PRUNE2: variants seen among roughly 807,000 people sequenced by gnomAD.
The protein encoded by PRUNE2 is prune homolog 2 with BCH domain, also known as protein prune homolog 2.
Under a neutral mutation model 252.0 loss-of-function variants are expected in PRUNE2, and 164 were observed. That is an observed-to-expected ratio of 0.65 (90% CI 0.57 to 0.74). The LOEUF is 0.74. Among genes scored for constraint, PRUNE2 ranks in the 30% least tolerant of loss-of-function variants. PRUNE2 has a pLI of 0.00. For synonymous variants in PRUNE2, 1,292 were observed against 1,350.2 expected (o/e 0.96, Z 0.94); for missense variants, 3,495 against 3,711.0 (o/e 0.94, Z 1.51).
intron 6 of PRUNE2, among the ~76,000 whole-genome samples, chr9:76,797,041 A>G (rs199795530): frequency 7.3e-6 from 1 of 136,920 alleles, no homozygotes; most frequent in African/African-American, 3.2e-5. Flanking sequence ...TCACACATAC[A>G]CACACACACA....
Position 76,644,825 on chromosome 9 carries a change from A to C in PRUNE2, c.8642T>G (p.Leu2881Arg). The change falls in exon 12 of 19, where the codon CTT (leucine) becomes CGT (arginine). Residue 2881 changes from leucine (L) to arginine (R), a missense_variant. Leu to Arg is a moderately radical substitution (Grantham distance 102). Coordinates refer to ENST00000376718, the MANE Select transcript of PRUNE2 (RefSeq NM_015225.3). ...TAEEEREDNR[L>R]WRTVVIGEQE... ...TTCTCCAATGACCACTGTCCTCCAAAGCCGGTTGTCCTCCCGTTCCTCTTC... is the reference window on the plus strand; with the variant it reads ...TTCTCCAATGACCACTGTCCTCCAACGCCGGTTGTCCTCCCGTTCCTCTTC... 6.2e-7 allele frequency: 1 copy of C among 1,613,868 alleles called. No individual in the cohort carries two copies. Among genetic ancestry groups the C allele is most frequent in the Non-Finnish European group, 8.5e-7 (1 of 1,179,846 alleles).
intron 6 of PRUNE2, among the ~76,000 whole-genome samples, chr9:76,729,339 C>A (rs779879148): frequency 1.3e-5 from 2 of 152,148 alleles, no homozygotes; most frequent in Middle Eastern, 3.2e-3. Context: ...TTAGTTCTAG[C>A]GAGCTCTCAG....
In PRUNE2 at chr9:76,703,754, G is replaced by C. The variant is rs142038632; in HGVS notation, c.7859C>G (p.Thr2620Arg). The C allele has an allele frequency of 9.3e-6, 15 of 1,613,648 alleles. No individual in the cohort carries two copies. The South Asian group carries it at 1.4e-4, about 15-fold the overall frequency. ...TGCAGGGCTTTCAAAAGATGATCTC[G>C]TATCGCTTTTAGAAGACATTTTCTC... is the stretch of plus-strand genomic sequence containing the variant. ...SAEKMSSKSDTRSSFESPAQD... is the reference protein window; with the variant it reads ...SAEKMSSKSDRRSSFESPAQD... Residue 2620 changes from threonine (T) to arginine (R), a missense_variant, in exon 9 of 19, where the codon ACG becomes AGG. By Grantham distance (71) the Thr-to-Arg change is moderately conservative. Coordinates refer to ENST00000376718, the MANE Select transcript of PRUNE2 (RefSeq NM_015225.3).
At chr9:76,637,360 T>C in intron 14 of PRUNE2, 58 bp downstream of exon 14, 1 of 1,535,046 alleles carries the variant, frequency 6.5e-7, no homozygotes, top group Non-Finnish European at 9.0e-7. Context: ...ACCATGTGGT[T>C]GTTTAGTCTT....
Position 76,850,721 on chromosome 9 carries a change from T to C in PRUNE2, c.142-56A>G, listed in dbSNP as rs112139540. ...AAAATAGCAGGAGGAAAGAATACAA[T>C]TACATTTTCTCCAGCCTGGGGGTAA... is the stretch of plus-strand genomic sequence containing the variant. On this transcript the variant is annotated intron_variant, in intron 2 of 18. Coordinates refer to ENST00000376718, the MANE Select transcript of PRUNE2 (RefSeq NM_015225.3). 2,408 of 1,314,094 alleles carry C rather than the reference T, an allele frequency of 1.8e-3. 36 individuals are homozygous for C. In the African/African-American group the frequency reaches 0.031, roughly 17 times the overall value. The allele number at this position is 1,314,094 out of a possible 1,614,324, so 81.4% of individuals were successfully genotyped here.
chr9:76,620,656 C>T (rs1831904361), intron 17 of PRUNE2, among the ~76,000 whole-genome samples: 3 of 152,112 alleles, frequency 2.0e-5, no homozygotes, highest in African/African-American at 7.2e-5. Flanking sequence ...TTCTCACTCC[C>T]CACCCTTCTT....
intron 6 of PRUNE2, among the ~76,000 whole-genome samples, chr9:76,792,959 G>A (rs1346429931): frequency 6.6e-6 from 1 of 152,158 alleles, no homozygotes; most frequent in Non-Finnish European, 1.5e-5. Flanking sequence ...TGTCCTTGGT[G>A]TCCCTGAAAG....
intron 6 of PRUNE2, among the ~76,000 whole-genome samples, chr9:76,758,066 C>T (rs2051325631): frequency 6.6e-6 from 1 of 152,108 alleles, no homozygotes; most frequent in East Asian, 1.9e-4. Context: ...TTGCTATCTT[C>T]AATCAGGAGA....
chr9:76,905,831 G>A (rs2063462248), intron 1 of PRUNE2, 97 bp downstream of exon 1: 14 of 1,515,778 alleles, frequency 9.2e-6, no homozygotes, highest in Non-Finnish European at 1.3e-5. Context: ...CCGTGGCAAA[G>A]TTGTTTCTTC....
chr9:76,860,861 G>T (rs1448022815), intron 1 of PRUNE2, among the ~76,000 whole-genome samples: 1 of 152,130 alleles, frequency 6.6e-6, no homozygotes, highest in Admixed American at 6.5e-5. Flanking sequence ...GAACCAGTGA[G>T]TCCCTTGACT....
rs189982840 is a variant in PRUNE2, at chr9:76,836,593, G to A, written c.509-9861C>T. Among the ~76,000 whole-genome samples the A allele has an allele frequency of 3.3e-5, 5 of 152,154 alleles. No homozygotes were observed. In the East Asian group the frequency reaches 5.8e-4, roughly 18 times the overall value. On this transcript the variant is annotated intron_variant, in intron 4 of 18. Coordinates refer to ENST00000376718, the MANE Select transcript of PRUNE2 (RefSeq NM_015225.3). ...TTAGAAAGTAATGCTACATAAGTACGTGCCTTTCCAAATGAAAGTGGATAC... is the reference window on the plus strand; with the variant it reads ...TTAGAAAGTAATGCTACATAAGTACATGCCTTTCCAAATGAAAGTGGATAC...
chr9:76,837,972 C>G (rs1018486578), intron 4 of PRUNE2, among the ~76,000 whole-genome samples: 1 of 151,760 alleles, frequency 6.6e-6, no homozygotes, highest in Non-Finnish European at 1.5e-5. Flanking sequence ...GGGGTTTCAC[C>G]GTGTTAGCCA....
intron 6 of PRUNE2, among the ~76,000 whole-genome samples, chr9:76,757,586 C>T (rs1425284): frequency 0.65 from 98,304 of 151,976 alleles, 32,478 homozygotes; most frequent in African/African-American, 0.77. Flanking sequence ...AAGGGCTCAA[C>T]TGGTAATAAT....
chr9:76,890,867 T>A (rs987171296), intron 1 of PRUNE2, among the ~76,000 whole-genome samples: 2 of 152,242 alleles, frequency 1.3e-5, no homozygotes, highest in African/African-American at 4.8e-5. Context: ...CTGCCTAGAT[T>A]TTCTTTCAAT....
At chr9:76,900,639 T>C (rs2063114302) in intron 1 of PRUNE2, among the ~76,000 whole-genome samples, 1 of 152,188 alleles carries the variant, frequency 6.6e-6, no homozygotes, top group African/African-American at 2.4e-5. Flanking sequence ...TCAAGAAGAC[T>C]TCAAACTCCA....
At chr9:76,872,387 T>A (rs1015534905) in intron 1 of PRUNE2, among the ~76,000 whole-genome samples, 44 of 152,102 alleles carry the variant, frequency 2.9e-4, no homozygotes, top group African/African-American at 9.9e-4. Context: ...ACTTACGCAT[T>A]ACAAGTCATG....
intron 6 of PRUNE2, among the ~76,000 whole-genome samples, chr9:76,718,849 T>C (rs757044910): frequency 9.9e-5 from 15 of 152,146 alleles, no homozygotes; most frequent in Non-Finnish European, 2.1e-4. Flanking sequence ...TCCTATTAAA[T>C]GGCACCACCG....
At chr9:76,833,767 A>G (rs115378030) in intron 4 of PRUNE2, among the ~76,000 whole-genome samples, 18,932 of 151,382 alleles carry the variant, frequency 0.13, 1,344 homozygotes, top group East Asian at 0.2. Context: ...TCCATAAAAA[A>G]AAATAAATAA....
At chr9:76,661,338 G>C (rs1158433327) in intron 9 of PRUNE2, among the ~76,000 whole-genome samples, 3 of 152,150 alleles carry the variant, frequency 2.0e-5, no homozygotes, top group African/African-American at 7.2e-5. Context: ...CACCTCCTGG[G>C]TTTAAGCGAT....
Sources: gnomAD v4.1 joint callset for allele counts (sites outside exome capture counted in the v4.1 genomes callset) on GRCh38, gnomAD v4.1.1 for gene constraint, MANE v1.5 for transcripts, NCBI Gene and HGNC (gene_info 2026-07-23, HGNC 2026-07-21) for gene names.